SLC8A1: variants seen among roughly 807,000 people sequenced by gnomAD.
The protein encoded by SLC8A1 is solute carrier family 8 member A1, also known as sodium/calcium exchanger 1.
In SLC8A1, 18 loss-of-function variants were observed where a neutral mutation model predicts 68.3. The ratio of observed to expected loss-of-function variants is 0.26; its 90% confidence interval spans 0.18 to 0.39. SLC8A1 has a LOEUF of 0.39. SLC8A1 is among the 10% of genes least tolerant of loss of function. SLC8A1 has a pLI of 1.00. For missense variants in SLC8A1, 985 were observed against 1,156.7 expected, an observed-to-expected ratio of 0.85 and a Z score of 2.15; for synonymous variants, 475 against 415.5, an observed-to-expected ratio of 1.14 and a Z score of -1.74.
exon 8 of SLC8A1, chr2:40,113,315 T>A (rs984314115): frequency 6.5e-6 from 1 of 152,796 alleles, no homozygotes. Flanking sequence ...GGATTCCTTA[T>A]AGACACAGAA....
chr2:40,429,898 C>G, exon 2 of SLC8A1: 2 of 1,613,470 alleles, frequency 1.2e-6, no homozygotes, highest in Non-Finnish European at 1.7e-6. Flanking sequence ...ATTCCAGATC[C>G]TCACAGTTGT....
chr2:40,317,081 C>G (rs529204201), intron 2 of SLC8A1, among the ~76,000 whole-genome samples: 1 of 151,978 alleles, frequency 6.6e-6, no homozygotes, highest in East Asian at 1.9e-4. Flanking sequence ...GGATTAGTTG[C>G]ATTAAAAATA....
At chr2:40,135,758 A>G (rs1260107409) in intron 7 of SLC8A1, among the ~76,000 whole-genome samples, 5 of 152,006 alleles carry the variant, frequency 3.3e-5, no homozygotes, top group African/African-American at 1.2e-4. Flanking sequence ...GATCTGTAGG[A>G]CCTTTGACCA....
At chr2:40,293,185 G>A (rs75547678) in intron 2 of SLC8A1, among the ~76,000 whole-genome samples, 2,065 of 152,082 alleles carry the variant, frequency 0.014, 40 homozygotes, top group African/African-American at 0.047. Flanking sequence ...TATTGACCTC[G>A]TTAATTTTTA....
exon 8 of SLC8A1, chr2:40,102,009 T>C (rs2125027291): frequency 6.6e-6 from 1 of 152,316 alleles, no homozygotes; most frequent in Non-Finnish European, 1.5e-5. Context: ...GACAAAGATT[T>C]TCCATGTGGA....
intron 2 of SLC8A1, among the ~76,000 whole-genome samples, chr2:40,234,336 T>C (rs1180356174): frequency 2.6e-5 from 4 of 151,912 alleles, no homozygotes; most frequent in Non-Finnish European, 5.9e-5. Context: ...GTTGGATTCC[T>C]AGGTATTTTA....
chr2:40,429,512 G>A (rs1369301727), exon 2 of SLC8A1: 2 of 1,613,838 alleles, frequency 1.2e-6, no homozygotes, highest in East Asian at 2.2e-5. Context: ...TTGTAAAACA[G>A]AAGTCTCCTA....
rs1703102561 is a variant in SLC8A1, at chr2:40,457,680, G to T, written c.-24-27376C>A. Reference sequence around the variant, plus strand: ...AGTAATCACAAACAAGTAATACTTAGAAACTGCATTCTATTTTCCCATTCT... The same window carrying T: ...AGTAATCACAAACAAGTAATACTTATAAACTGCATTCTATTTTCCCATTCT... On this transcript the variant is annotated intron_variant, in intron 1 of 7. Transcript: ENST00000402441. 2.0e-5 allele frequency among the ~76,000 whole-genome samples: 3 copies of T among 152,304 alleles called. No individual in the cohort carries two copies. In the South Asian group the frequency reaches 6.2e-4, roughly 32 times the overall value.
chr2:40,346,101 T>A (rs1293472503), intron 2 of SLC8A1, among the ~76,000 whole-genome samples: 1 of 145,880 alleles, frequency 6.9e-6, no homozygotes, highest in Non-Finnish European at 1.5e-5. Context: ...AACCCTCAAG[T>A]TTCCTGTGGT....
At chr2:40,445,659 G>A (rs1313333676) in intron 1 of SLC8A1, among the ~76,000 whole-genome samples, 2 of 152,190 alleles carry the variant, frequency 1.3e-5, no homozygotes, top group African/African-American at 2.4e-5. Context: ...CAGAAGGACT[G>A]ATAAAGAGAA....
intron 2 of SLC8A1, among the ~76,000 whole-genome samples, chr2:40,355,592 G>A (rs1424103220): frequency 6.6e-6 from 1 of 152,094 alleles, no homozygotes; most frequent in Non-Finnish European, 1.5e-5. Context: ...CAGATGTTGA[G>A]CCCACACTCT....
At chr2:40,250,173 T>C (rs2062516395) in intron 2 of SLC8A1, 1 of 152,200 alleles carries the variant, frequency 6.6e-6, no homozygotes, top group African/African-American at 2.4e-5. Flanking sequence ...AATAAGTAAA[T>C]ACTATTTTAT....
chr2:40,214,247 G>A (rs140863728), intron 2 of SLC8A1, among the ~76,000 whole-genome samples: 3 of 152,250 alleles, frequency 2.0e-5, no homozygotes, highest in African/African-American at 7.2e-5. Context: ...TGAATCAGGT[G>A]AAGTTTTCCT....
chr2:40,474,032 G>T (rs1038474756), intron 1 of SLC8A1, among the ~76,000 whole-genome samples: 2 of 152,108 alleles, frequency 1.3e-5, no homozygotes, highest in South Asian at 4.1e-4. Flanking sequence ...ACATGATCTA[G>T]AACATTCCAG....
intron 7 of SLC8A1, among the ~76,000 whole-genome samples, chr2:40,136,801 A>G (rs2148260901): frequency 6.6e-6 from 1 of 152,284 alleles, no homozygotes; most frequent in Admixed American, 6.5e-5. Flanking sequence ...ATGTTCATCC[A>G]ACAGCCTGTT....
intron 2 of SLC8A1, among the ~76,000 whole-genome samples, chr2:40,362,823 C>T (rs1559391008): frequency 6.6e-6 from 1 of 152,114 alleles, no homozygotes; most frequent in Non-Finnish European, 1.5e-5. Flanking sequence ...AAGTTAAATT[C>T]TGTGTTCTCA....
chr2:40,246,739 C>T (rs2061920112), intron 2 of SLC8A1, among the ~76,000 whole-genome samples: 1 of 152,186 alleles, frequency 6.6e-6, no homozygotes, highest in African/African-American at 2.4e-5. Context: ...TCAGGCTGTT[C>T]ATGGGAAGCT....
At chr2:40,149,959 C>T (rs2043113117) in intron 6 of SLC8A1, among the ~76,000 whole-genome samples, 1 of 148,768 alleles carries the variant, frequency 6.7e-6, no homozygotes. Flanking sequence ...ATGAGCAATG[C>T]TTTATGGTGC....
chr2:40,132,438 C>T (rs2039573166), intron 7 of SLC8A1, among the ~76,000 whole-genome samples: 1 of 151,972 alleles, frequency 6.6e-6, no homozygotes, highest in South Asian at 2.1e-4. Context: ...GTACCCTATA[C>T]AGCTCCAGGA....
Sources: gnomAD v4.1 joint callset for allele counts (sites outside exome capture counted in the v4.1 genomes callset) on GRCh38, gnomAD v4.1.1 for gene constraint, MANE v1.5 for transcripts, NCBI Gene and HGNC (gene_info 2026-07-23, HGNC 2026-07-21) for gene names.